WARS1: variants seen among roughly 807,000 people sequenced by gnomAD.
WARS1 encodes tryptophan--tRNA ligase, cytoplasmic.
Under a neutral mutation model 47.8 loss-of-function variants are expected in WARS1, and 17 were observed. The observed-to-expected ratio is 0.36, with a 90% CI of 0.24 to 0.53. The LOEUF is 0.53. Ranked by LOEUF, WARS1 falls within the 20% of genes least tolerant of loss-of-function variation. The pLI is 0.91. For missense variants in WARS1, 434 were observed against 608.0 expected, an observed-to-expected ratio of 0.71 and a Z score of 3.01; for synonymous variants, 208 against 228.1, an observed-to-expected ratio of 0.91 and a Z score of 0.79.
intron 2 of WARS1, among the ~76,000 whole-genome samples, chr14:100,363,267 T>C (rs1895762220): frequency 7.0e-6 from 1 of 143,640 alleles, no homozygotes; most frequent in South Asian, 2.2e-4. Context: ...AAGTCAAACA[T>C]TTAACCAATG....
At chr14:100,368,614 CT>C (rs1896151535) in intron 2 of WARS1, 1 of 399,234 alleles carries the variant, frequency 2.5e-6, no homozygotes, top group South Asian at 1.8e-5. Context: ...TTGAGAACCC[CT>C]GACTCTTTAG....
At chr14:100,354,945 T>C (rs1037830501) in intron 4 of WARS1, among the ~76,000 whole-genome samples, 2 of 152,156 alleles carry the variant, frequency 1.3e-5, no homozygotes, top group Admixed American at 1.3e-4. Context: ...CCCCGAGGAC[T>C]CTCAGACCAA....
chr14:100,345,045 G>A (rs1448080019), intron 7 of WARS1, among the ~76,000 whole-genome samples: 141 of 127,848 alleles, frequency 1.1e-3, no homozygotes, highest in Middle Eastern at 4.0e-3. Context: ...CCGGGAGGGA[G>A]GTGGCGGGGT....
Position 100,360,539 on chromosome 14 carries a change from T to G in WARS1, c.422+15A>C, listed in dbSNP as rs773134857. On this transcript the variant is annotated intron_variant, in intron 4 of 10. Coordinates refer to ENST00000392882, the MANE Select transcript of WARS1 (RefSeq NM_004184.4). Reference sequence around the variant, plus strand: ...AGAGGACAGGTGAGAAGGCCTGTGGTGAAGAGCCCCTGACCTGTGTGAGAA... The same window carrying G: ...AGAGGACAGGTGAGAAGGCCTGTGGGGAAGAGCCCCTGACCTGTGTGAGAA... 57 of 1,595,520 alleles carry G rather than the reference T, an allele frequency of 3.6e-5. No homozygotes were observed. The highest frequency in any genetic ancestry group is 4.1e-5 in the Non-Finnish European group (48 of 1,168,436).
chr14:100,334,848 C>G lies in WARS1; in HGVS notation c.*27G>C. 1 of 1,609,856 alleles carries G rather than the reference C, an allele frequency of 6.2e-7. No homozygotes were observed. The highest frequency in any genetic ancestry group is 8.5e-7 in the Non-Finnish European group (1 of 1,176,938). On this transcript the variant is annotated 3_prime_UTR_variant, in exon 11 of 11. Transcript: ENST00000392882. ...TTGATACATTACTGATACATCACTT[C>G]TTTTATAAGCATATGTAAAACGAGT...
Position 100,334,734 on chromosome 14 carries a change from T to C in WARS1, c.*141A>G. On this transcript the variant is annotated 3_prime_UTR_variant, in exon 11 of 11. Transcript: ENST00000392882. ...AACTCACAGGAAGAAACAGTATTGA[T>C]AACATACACAGGCTTACAGAGGCCA... is the stretch of plus-strand genomic sequence containing the variant. 1.1e-6 allele frequency: 1 copy of C among 891,816 alleles called. No individual in the cohort carries two copies. The highest frequency in any genetic ancestry group is 1.7e-6 in the Non-Finnish European group (1 of 590,662). The allele number at this position is 891,816 out of a possible 1,614,324, so 55.2% of individuals were successfully genotyped here.
chr14:100,335,912 A>G (rs959782083), intron 10 of WARS1, among the ~76,000 whole-genome samples: 1 of 151,556 alleles, frequency 6.6e-6, no homozygotes, highest in African/African-American at 2.4e-5. Context: ...CTGAGTTTTC[A>G]TTTGGTATCC....
At chr14:100,361,292 G>A (rs1425443839) in intron 3 of WARS1, among the ~76,000 whole-genome samples, 3 of 152,194 alleles carry the variant, frequency 2.0e-5, no homozygotes, top group Admixed American at 6.5e-5. Flanking sequence ...GAACTTGCCC[G>A]ATGTGAGAAG....
At chr14:100,361,620 T>A in intron 3 of WARS1, 88 bp downstream of exon 3, 1 of 1,390,916 alleles carries the variant, frequency 7.2e-7, no homozygotes, top group Non-Finnish European at 9.9e-7. Context: ...TATGATTAAT[T>A]CAAAATTTAA....
chr14:100,345,007 C>T lies in WARS1; in HGVS notation c.827-1620G>A, dbSNP rs905166797. Among the ~76,000 whole-genome samples, 830 of 147,952 alleles carry T rather than the reference C, an allele frequency of 5.6e-3. 3 individuals are homozygous for T. Among genetic ancestry groups the T allele is most frequent in the Middle Eastern group, 0.011 (3 of 276 alleles). ...CCGTCCGGGAGGGAAGTGGGGGGGT[C>T]AGCCCCCCGCCCGGCCAGCCGCCCC... On this transcript the variant is annotated intron_variant, in intron 7 of 10. Transcript: ENST00000392882.
At chr14:100,366,143 G>A in intron 2 of WARS1, 1 of 455,772 alleles carries the variant, frequency 2.2e-6, no homozygotes, top group Non-Finnish European at 4.4e-6. Flanking sequence ...CACAGTTGGG[G>A]CACTGGCAGC....
intron 2 of WARS1, chr14:100,366,954 T>C: frequency 1.3e-6 from 2 of 1,543,416 alleles, no homozygotes; most frequent in Non-Finnish European, 1.8e-6. Flanking sequence ...TAGTGGTTTC[T>C]TAACTCTCCA....
rs568059708 is a variant in WARS1 at position 100,362,975 on chromosome 14, G to A, written c.100-1054C>T. The stretch of plus-strand genomic sequence containing the variant: ...ATTATCTGAGACTCATCATTAAAAT[G>A]AGCCAGATTTGTGGAATCAGTAACC... On this transcript the variant is annotated intron_variant, in intron 2 of 10. Coordinates refer to ENST00000392882, the MANE Select transcript of WARS1 (RefSeq NM_004184.4). Among the ~76,000 whole-genome samples the A allele has an allele frequency of 4.6e-5, 7 of 152,306 alleles. No individual in the cohort carries two copies. In the South Asian group the frequency reaches 1.2e-3, roughly 27 times the overall value.
Position 100,353,746 on chromosome 14 carries a change from G to T in WARS1, c.666C>A (p.Ile222=). ...TGTTGATGTCAAAGCCACAGGCGATGATGTCCTTGGCATTCTCCACAGCAT... is the reference window on the plus strand; with the variant it reads ...TGTTGATGTCAAAGCCACAGGCGATTATGTCCTTGGCATTCTCCACAGCAT... ...YSYAVENAKD[I]IACGFDINKT... Residue 222 remains isoleucine, a synonymous_variant, in exon 6 of 11, where the codon ATC becomes ATA. Coordinates refer to ENST00000392882, the MANE Select transcript of WARS1 (RefSeq NM_004184.4). The T allele has an allele frequency of 2.9e-5, 47 of 1,614,200 alleles. No individual in the cohort carries two copies. The highest frequency in any genetic ancestry group is 3.9e-5 in the Non-Finnish European group (46 of 1,180,052).
chr14:100,370,087 C>A (rs1247135390), intron 1 of WARS1, among the ~76,000 whole-genome samples: 2 of 152,162 alleles, frequency 1.3e-5, no homozygotes, highest in African/African-American at 2.4e-5. Context: ...AAAGTGAGCT[C>A]TGGGGTGGAG....
intron 2 of WARS1, among the ~76,000 whole-genome samples, chr14:100,362,250 AT>A (rs1414440336): frequency 6.6e-6 from 1 of 152,246 alleles, no homozygotes; most frequent in African/African-American, 2.4e-5. Context: ...CAAAGTTCAT[AT>A]GCTAAAGATT....
chr14:100,363,132 A>G (rs2140050515), intron 2 of WARS1, among the ~76,000 whole-genome samples: 1 of 152,292 alleles, frequency 6.6e-6, no homozygotes, highest in East Asian at 1.9e-4. Context: ...AATCTATCCA[A>G]TTATCTATGG....
chr14:100,348,437 C>T (rs1894765766), intron 6 of WARS1, among the ~76,000 whole-genome samples: 1 of 152,104 alleles, frequency 6.6e-6, no homozygotes, highest in Admixed American at 6.6e-5. Flanking sequence ...AGTTTCAGGC[C>T]CTGGGGGGCA....
At position 100,334,922 on chromosome 14, in the gene WARS1, C is replaced by G. The variant is rs1893602010; in HGVS notation, c.1369G>C (p.Val457Leu). ...TTCCGGGGAGTCATGAACTCTTTCA[C>G]TATCTCATCCGTGACCTCCTTGCGC... ...ARRKEVTDEI[V>L]KEFMTPRKLS... Residue 457 changes from valine (V) to leucine (L), a missense_variant, in exon 11 of 11, where the codon GTG becomes CTG. Physicochemically the swap from Val to Leu is conservative, Grantham distance 32. Transcript: ENST00000392882. 1.2e-6 allele frequency: 2 copies of G among 1,614,194 alleles called. No homozygotes were observed. Among genetic ancestry groups the G allele is most frequent in the Non-Finnish European group, 1.7e-6 (2 of 1,180,028 alleles).
Sources: allele counts gnomAD v4.1 joint callset (sites outside exome capture counted in the v4.1 genomes callset), GRCh38; gene constraint gnomAD v4.1.1; transcripts MANE v1.5; gene names NCBI Gene and HGNC (gene_info 2026-07-23, HGNC 2026-07-21).